Variants in EFL1 observed in about 807,000 individuals in gnomAD.
The protein encoded by EFL1 is elongation factor like GTPase 1.
Under a neutral mutation model 126.7 loss-of-function variants are expected in EFL1, and 76 were observed. The ratio of observed to expected loss-of-function variants is 0.60; its 90% CI spans 0.50 to 0.73. The LOEUF (loss-of-function observed/expected upper bound fraction) is 0.73, where lower values mean the gene tolerates loss of function less well. EFL1 is among the 30% of genes least tolerant of loss of function. The pLI, the probability that EFL1 is intolerant of heterozygous loss-of-function variation, is 0.00. For missense variants in EFL1, 1,128 were observed against 1,343.2 expected (o/e 0.84, Z 2.50); for synonymous variants, 410 against 448.4 (o/e 0.91, Z 1.08).
chr15:82,138,425 A>AGTGT (rs1555423512), intron 19 of EFL1, among the ~76,000 whole-genome samples: 1 of 46,178 alleles, frequency 2.2e-5, no homozygotes, highest in African/African-American at 6.9e-5. Context: ...AGAGAGAGAG[A>AGTGT]GTGTATGTGT....
intron 15 of EFL1, among the ~76,000 whole-genome samples, chr15:82,177,576 G>A (rs1187569933): frequency 6.6e-6 from 1 of 152,160 alleles, no homozygotes; most frequent in African/African-American, 2.4e-5. Context: ...TGGTTCACAT[G>A]AAGTTTTTGG....
chr15:82,193,918 T>G (rs1313507829), intron 15 of EFL1, among the ~76,000 whole-genome samples: 1 of 152,244 alleles, frequency 6.6e-6, no homozygotes, highest in Non-Finnish European at 1.5e-5. Context: ...CTCCTCATTC[T>G]GGAAAACAGT....
chr15:82,170,831 T>C (rs2074128230), intron 15 of EFL1, among the ~76,000 whole-genome samples: 2 of 152,232 alleles, frequency 1.3e-5, no homozygotes, highest in African/African-American at 4.8e-5. Flanking sequence ...TTTACCTAAA[T>C]TTATATTTTA....
At chr15:82,233,926 T>A (rs984042926) in intron 7 of EFL1, among the ~76,000 whole-genome samples, 3 of 152,184 alleles carry the variant, frequency 2.0e-5, no homozygotes, top group African/African-American at 7.2e-5. Flanking sequence ...GGTGCTTTCA[T>A]TTCCACCACT....
chr15:82,157,207 T>C (rs187723727), intron 17 of EFL1, among the ~76,000 whole-genome samples: 21 of 152,322 alleles, frequency 1.4e-4, no homozygotes, highest in African/African-American at 5.0e-4. Flanking sequence ...TTCTGCATTT[T>C]CCTAATTTCT....
intron 3 of EFL1, among the ~76,000 whole-genome samples, chr15:82,253,339 CCT>C (rs990641506): frequency 1.3e-5 from 2 of 151,870 alleles, no homozygotes; most frequent in South Asian, 2.1e-4. Flanking sequence ...CGCGCCTAGC[CCT>C]CTCTCTTTTT....
At chr15:82,191,565 T>C (rs1330055535) in intron 15 of EFL1, among the ~76,000 whole-genome samples, 12 of 150,770 alleles carry the variant, frequency 8.0e-5, no homozygotes, top group Admixed American at 7.9e-4. Flanking sequence ...ATTTCAGTGA[T>C]TCCTTAGTGC....
intron 15 of EFL1, among the ~76,000 whole-genome samples, chr15:82,203,568 T>C (rs1445035527): frequency 6.6e-6 from 1 of 152,028 alleles, no homozygotes; most frequent in Non-Finnish European, 1.5e-5. Flanking sequence ...AGAGACAGGG[T>C]TTCATCATGT....
rs578044667 is a variant in EFL1, at chr15:82,255,358, G to C, written c.160-2583C>G. Among the ~76,000 whole-genome samples the C allele has an allele frequency of 7.9e-5, 12 of 152,212 alleles. 1 individual carries two copies. Among genetic ancestry groups the C allele is most frequent in the African/African-American group, 2.9e-4 (12 of 41,524 alleles). On this transcript the variant is annotated intron_variant, in intron 3 of 19. Coordinates refer to ENST00000268206, the MANE Select transcript of EFL1 (RefSeq NM_024580.6). ...CCACCTTCCTACTGGTTGCAATACAGATTTATTTTGTTTTGGATAGGAGTT... is the reference window on the plus strand; with the variant it reads ...CCACCTTCCTACTGGTTGCAATACACATTTATTTTGTTTTGGATAGGAGTT...
rs1213851265 is a variant in EFL1, at chr15:82,152,036, T to G, written c.2418A>C (p.Lys806Asn). 1 of 1,614,174 alleles carries G rather than the reference T, an allele frequency of 6.2e-7. No individual in the cohort carries two copies. Among genetic ancestry groups the G allele is most frequent in the East Asian group, 2.2e-5 (1 of 44,882 alleles). The change falls in exon 18 of 20, where the codon AAA (lysine) becomes AAC (asparagine). Residue 806 changes from lysine to asparagine, a missense_variant. Physicochemically the swap from Lys to Asn is moderately conservative, Grantham distance 94. Transcript: ENST00000268206. ...TQEKIWEFKG[K>N]LEQHLTGRRW... ...TTCTCCCTGTTAGGTGTTGCTCCAG[T>G]TTTCCTTTGAATTCCCAAATTTTCT...
chr15:82,224,819 T>C (rs2074744983), intron 12 of EFL1, among the ~76,000 whole-genome samples: 1 of 152,180 alleles, frequency 6.6e-6, no homozygotes, highest in Non-Finnish European at 1.5e-5. Context: ...ATTCATAATC[T>C]CTACTGAGGT....
At chr15:82,182,513 G>A (rs1384927216) in intron 15 of EFL1, among the ~76,000 whole-genome samples, 1 of 152,094 alleles carries the variant, frequency 6.6e-6, no homozygotes, top group Admixed American at 6.5e-5. Flanking sequence ...CAAAGAGGAT[G>A]GCAAGATGCC....
At chr15:82,190,309 T>C (rs940288065) in intron 15 of EFL1, among the ~76,000 whole-genome samples, 4 of 152,214 alleles carry the variant, frequency 2.6e-5, no homozygotes, top group African/African-American at 7.2e-5. Context: ...TTATCTGCTC[T>C]GATTTTAATC....
rs370649150 is a variant in EFL1 at position 82,258,017 on chromosome 15, T to C, written c.159+1071A>G. On this transcript the variant is annotated intron_variant, in intron 3 of 19. Coordinates refer to ENST00000268206, the MANE Select transcript of EFL1 (RefSeq NM_024580.6). ...CCTCTAGATAGTATCTTGGGCCAGC[T>C]TCCCTCCCAACCCACACATCAATTC... Among the ~76,000 whole-genome samples the C allele has an allele frequency of 2.6e-5, 4 of 152,154 alleles. No individual in the cohort carries two copies. The East Asian group carries it at 5.8e-4, about 22-fold the overall frequency.
At chr15:82,202,903 C>T (rs1229390954) in intron 15 of EFL1, among the ~76,000 whole-genome samples, 1 of 151,912 alleles carries the variant, frequency 6.6e-6, no homozygotes, top group African/African-American at 2.4e-5. Flanking sequence ...CCTCCGCCTC[C>T]CGGTTTCAAG....
intron 16 of EFL1, among the ~76,000 whole-genome samples, chr15:82,159,534 TG>T (rs2074001946): frequency 6.6e-6 from 1 of 152,058 alleles, no homozygotes; most frequent in Admixed American, 6.6e-5. Flanking sequence ...ATTAGGTGTT[TG>T]AAAATGTTGC....
At chr15:82,144,190 C>T (rs980328713) in intron 18 of EFL1, among the ~76,000 whole-genome samples, 2 of 151,074 alleles carry the variant, frequency 1.3e-5, no homozygotes, top group Non-Finnish European at 2.9e-5. Context: ...GAGGTTGAGG[C>T]TGTGGCAGTG....
In EFL1 at chr15:82,152,035, G is replaced by T; in HGVS notation, c.2419C>A (p.Leu807Met). ...QEKIWEFKGKLEQHLTGRRWR... is the reference protein window; with the variant it reads ...QEKIWEFKGKMEQHLTGRRWR... ...CTTCTCCCTGTTAGGTGTTGCTCCA[G>T]TTTTCCTTTGAATTCCCAAATTTTC... Residue 807 changes from leucine to methionine, a missense_variant, in exon 18 of 20, where the codon CTG (leucine) becomes ATG (methionine). Transcript: ENST00000268206. 2 of 1,614,142 alleles carry T rather than the reference G, an allele frequency of 1.2e-6. No individual in the cohort carries two copies. Among genetic ancestry groups the T allele is most frequent in the Non-Finnish European group, 1.7e-6 (2 of 1,180,046 alleles).
intron 15 of EFL1, among the ~76,000 whole-genome samples, chr15:82,174,769 G>T (rs528309527): frequency 6.6e-6 from 1 of 152,298 alleles, no homozygotes; most frequent in Admixed American, 6.5e-5. Context: ...CTACTCACAG[G>T]CCACCGTGGA....
Sources: gnomAD v4.1 joint callset for allele counts (sites outside exome capture counted in the v4.1 genomes callset) on GRCh38, gnomAD v4.1.1 for gene constraint, MANE v1.5 for transcripts, NCBI Gene and HGNC (gene_info 2026-07-23, HGNC 2026-07-21) for gene names.